TFB1M: variants seen among roughly 807,000 people sequenced by gnomAD.
The protein encoded by TFB1M is transcription factor B1, mitochondrial, also known as dimethyladenosine transferase 1, mitochondrial.
In TFB1M, 27 loss-of-function variants were observed where a neutral mutation model predicts 31.1. The observed-to-expected ratio is 0.87, with a 90% confidence interval of 0.64 to 1.20. The LOEUF is 1.20. Ranked by LOEUF, TFB1M falls within the 50% of genes most tolerant of loss-of-function variation. The probability of loss-of-function intolerance (pLI) is 0.00; values close to 1 mark genes in which losing one functional copy is unlikely to be tolerated. For missense variants in TFB1M, 394 were observed against 418.7 expected, an observed-to-expected ratio of 0.94 and a Z score of 0.51; for synonymous variants, 166 against 151.8, an observed-to-expected ratio of 1.09 and a Z score of -0.69.
Position 155,298,561 on chromosome 6 carries a change from T to C in TFB1M, c.310A>G (p.Lys104Glu), listed in dbSNP as rs746632605. The C allele has an allele frequency of 9.9e-6, 16 of 1,612,752 alleles. No individual in the cohort carries two copies. Among genetic ancestry groups the C allele is most frequent in the Non-Finnish European group, 1.4e-5 (16 of 1,179,084 alleles). ...LQMLSDAAPG[K>E]LRIVHGDVLT... ...ACATCTCCATGAACAATTCTCAGTT[T>C]CCCAGGTGCTGCATCAGAAAGCATC... The change falls in exon 3 of 7, where the codon AAA (lysine) becomes GAA (glutamate). Residue 104 changes from lysine (K) to glutamate (E), a missense_variant. Coordinates refer to ENST00000367166, the MANE Select transcript of TFB1M (RefSeq NM_016020.4).
chr6:155,307,208 G>T (rs761758302), intron 2 of TFB1M, among the ~76,000 whole-genome samples: 1 of 151,830 alleles, frequency 6.6e-6, no homozygotes, highest in Non-Finnish European at 1.5e-5. Context: ...TACACTTTAA[G>T]TATGTGCAGT....
chr6:155,290,078 G>A (rs1776837940), intron 4 of TFB1M, among the ~76,000 whole-genome samples: 1 of 152,120 alleles, frequency 6.6e-6, no homozygotes, highest in Admixed American at 6.5e-5. Context: ...TCTCTTTATA[G>A]CAGTGCATAG....
intron 5 of TFB1M, chr6:155,264,300 C>T (rs1027640495): frequency 6.6e-6 from 1 of 152,114 alleles, no homozygotes; most frequent in Non-Finnish European, 1.5e-5. Flanking sequence ...TAAGGAGAAT[C>T]CCAGGTAGAG....
At chr6:155,298,797 G>C (rs1777298025) in intron 2 of TFB1M, among the ~76,000 whole-genome samples, 1 of 152,146 alleles carries the variant, frequency 6.6e-6, no homozygotes, top group Non-Finnish European at 1.5e-5. Flanking sequence ...GTAACAGACA[G>C]TACAACACTA....
At chr6:155,236,942 A>G in the TFB1M span, among the ~76,000 whole-genome samples, 7 of 152,234 alleles carry the variant, frequency 4.6e-5, no homozygotes, top group African/African-American at 1.7e-4. Flanking sequence ...CCCAAATCTC[A>G]TATCTTCACA....
Position 155,314,301 on chromosome 6 carries a change from A to G in TFB1M, c.128T>C (p.Leu43Pro), listed in dbSNP as rs1037120317. ...AGCACTGCTAAGCCATCCACCTGTC[A>G]GCCTCAAGTCCAGGAGGAAATTCTG... ...LSQNFLLDLR[L>P]TDKIVRKAGN... is the part of the protein sequence containing the mutation. The change falls in exon 1 of 7, where the codon CTG becomes CCG. Residue 43 changes from leucine to proline, a missense_variant. By Grantham distance (98) the Leu-to-Pro change is moderately conservative. Around this residue, in one of 3 missense-constraint regions of TFB1M, gnomAD observed 273 missense variants for 256.4 expected, o/e 1.06. Coordinates refer to ENST00000367166, the MANE Select transcript of TFB1M (RefSeq NM_016020.4). 1 of 1,613,894 alleles carries G rather than the reference A, an allele frequency of 6.2e-7. No individual in the cohort carries two copies. The highest frequency in any genetic ancestry group is 8.5e-7 in the Non-Finnish European group (1 of 1,179,956).
rs1312765011 is a variant in TFB1M, at chr6:155,256,516, TC to T, written c.*1319del. The stretch of plus-strand genomic sequence containing the variant: ...CAGGTCTTTAAAAGTCCTGAAGAAT[TC>T]CTCCAGCAACGAGTGGACCGGTGAG... On this transcript the variant is annotated 3_prime_UTR_variant, in exon 7 of 7. Transcript: ENST00000367166. 2 of 1,614,070 alleles carry T rather than the reference TC, an allele frequency of 1.2e-6. No individual in the cohort carries two copies. Among genetic ancestry groups the T allele is most frequent in the African/African-American group, 2.7e-5 (2 of 74,946 alleles).
chr6:155,285,529 A>G (rs1252933602), intron 4 of TFB1M, among the ~76,000 whole-genome samples: 1 of 152,208 alleles, frequency 6.6e-6, no homozygotes, highest in Non-Finnish European at 1.5e-5. Context: ...TTGCTCTACC[A>G]ATGGCTGTTG....
In TFB1M at chr6:155,256,723, G is replaced by A. The variant is rs201476343; in HGVS notation, c.*1113C>T. The A allele has an allele frequency of 2.1e-4, 339 of 1,614,056 alleles. 1 individual carries two copies. Among genetic ancestry groups the A allele is most frequent in the Admixed American group, 5.7e-4 (34 of 60,010 alleles). The stretch of plus-strand genomic sequence containing the variant: ...CATCAAAGAGAGTGACATCCTGAGC[G>A]ATGAAGATGATGACCACCGTCAGAC... On this transcript the variant is annotated 3_prime_UTR_variant, in exon 7 of 7. Transcript: ENST00000367166.
chr6:155,287,797 G>A (rs1197778431), intron 4 of TFB1M, among the ~76,000 whole-genome samples: 3 of 152,090 alleles, frequency 2.0e-5, no homozygotes, highest in African/African-American at 4.8e-5. Context: ...ATTTAGGGAT[G>A]CTTATCTTTC....
At chr6:155,285,041 C>T in intron 5 of TFB1M, 117 bp downstream of exon 5, 1 of 1,315,602 alleles carries the variant, frequency 7.6e-7, no homozygotes, top group Non-Finnish European at 1.1e-6. Context: ...AAGTAAAGTA[C>T]AGTGTCAGTT....
At chr6:155,259,206 C>CA (rs1784275987) in intron 6 of TFB1M, among the ~76,000 whole-genome samples, 1 of 152,180 alleles carries the variant, frequency 6.6e-6, no homozygotes, top group Non-Finnish European at 1.5e-5. Flanking sequence ...AAGTGTGAGC[C>CA]AAAATCCAGC....
intron 4 of TFB1M, among the ~76,000 whole-genome samples, chr6:155,286,613 A>G (rs1776664563): frequency 1.4e-5 from 2 of 140,416 alleles, no homozygotes; most frequent in African/African-American, 2.7e-5. Context: ...GTGTGTATAT[A>G]TATGTGTATA....
At chr6:155,268,692 G>T (rs960826400) in intron 5 of TFB1M, among the ~76,000 whole-genome samples, 1 of 151,894 alleles carries the variant, frequency 6.6e-6, no homozygotes, top group African/African-American at 2.4e-5. Context: ...GTCCACTCAG[G>T]GTTAAGTGGA....
intron 2 of TFB1M, among the ~76,000 whole-genome samples, chr6:155,305,448 ATTATATAT>A (rs1221770520): frequency 3.3e-5 from 1 of 30,394 alleles, no homozygotes; most frequent in Non-Finnish European, 5.0e-5. Context: ...TATATATTAA[ATTATATAT>A]TTATATATAT....
In TFB1M at chr6:155,257,561, C is replaced by G; in HGVS notation, c.*275G>C. On this transcript the variant is annotated 3_prime_UTR_variant, in exon 7 of 7. Transcript: ENST00000367166. ...TAATGTGGTTTAGGGGCAAAATGTG[C>G]AGATACTTCATTTTTGTAAGATAGA... 2.7e-6 allele frequency: 1 copy of G among 375,958 alleles called. No homozygotes were observed. The highest frequency in any genetic ancestry group is 4.4e-6 in the Non-Finnish European group (1 of 225,690). The allele number at this position is 375,958 out of a possible 1,614,324, so 23.3% of individuals were successfully genotyped here. A position where few individuals can be genotyped will look rare whatever the true frequency, so the allele number is the denominator to read the frequency against.
chr6:155,230,209 C>T, the TFB1M span, among the ~76,000 whole-genome samples: 2 of 152,204 alleles, frequency 1.3e-5, no homozygotes, highest in African/African-American at 2.4e-5. Context: ...CCCCTGAGCT[C>T]GTCTCCTTCA....
intron 2 of TFB1M, among the ~76,000 whole-genome samples, chr6:155,310,273 CTT>C (rs760642603): frequency 6.6e-6 from 1 of 152,254 alleles, no homozygotes; most frequent in Non-Finnish European, 1.5e-5. Context: ...GTTCAGGACT[CTT>C]TTAAAATTTT....
At chr6:155,233,739 G>A in the TFB1M span, among the ~76,000 whole-genome samples, 3 of 152,124 alleles carry the variant, frequency 2.0e-5, no homozygotes, top group Non-Finnish European at 4.4e-5. Flanking sequence ...TGGGAGGATC[G>A]CTGGAGTTCA....
Sources: gnomAD v4.1 joint callset for allele counts (sites outside exome capture counted in the v4.1 genomes callset) on GRCh38, gnomAD v4.1.1 for gene constraint, gnomAD v4.1.1 regional missense constraint, MANE v1.5 for transcripts, NCBI Gene and HGNC (gene_info 2026-07-23, HGNC 2026-07-21) for gene names.